Variants in KCNK9 observed in about 807,000 individuals in gnomAD.
KCNK9 encodes the protein potassium channel subfamily K member 9.
A neutral mutation model predicts 10.8 loss-of-function variants in KCNK9; 1 was observed. That is an observed-to-expected ratio of 0.09 (90% confidence interval 0.03 to 0.44). The LOEUF is 0.44. KCNK9 is among the 20% of genes least tolerant of loss of function. KCNK9 has a pLI of 0.97. For synonymous variants in KCNK9, 231 were observed against 222.7 expected, an observed-to-expected ratio of 1.04 and a Z score of -0.33; for missense variants, 303 against 515.0, an observed-to-expected ratio of 0.59 and a Z score of 3.98.
chr8:139,696,743 G>GTGGATGGA (rs540183564), intron 1 of KCNK9, among the ~76,000 whole-genome samples: 2,521 of 147,974 alleles, frequency 0.017, 65 homozygotes, highest in African/African-American at 0.055. Context: ...AGATGAGTGG[G>GTGGATGGA]TGGATGGATG....
downstream of KCNK9, among the ~76,000 whole-genome samples, chr8:139,610,861 T>C (rs1814402574): frequency 6.6e-6 from 1 of 152,254 alleles, no homozygotes; most frequent in African/African-American, 2.4e-5. Context: ...TTGAGATTTA[T>C]GCTGTGTCAT....
intron 1 of KCNK9, among the ~76,000 whole-genome samples, chr8:139,688,323 G>A (rs1816864263): frequency 6.6e-6 from 1 of 152,172 alleles, no homozygotes; most frequent in African/African-American, 2.4e-5. Flanking sequence ...AAAGAAAACA[G>A]GTTAAATTTA....
intron 1 of KCNK9, among the ~76,000 whole-genome samples, chr8:139,658,225 C>A (rs1294515157): frequency 6.6e-6 from 1 of 152,212 alleles, no homozygotes; most frequent in African/African-American, 2.4e-5. Flanking sequence ...TTACCACCCA[C>A]AGGCCTGAAG....
At chr8:139,649,777 A>G (rs904306230) in intron 1 of KCNK9, among the ~76,000 whole-genome samples, 1 of 152,220 alleles carries the variant, frequency 6.6e-6, no homozygotes, top group Admixed American at 6.5e-5. Context: ...CTCTGCCTCA[A>G]TCATTCATTT....
At chr8:139,690,545 T>C (rs1404622275) in intron 1 of KCNK9, among the ~76,000 whole-genome samples, 1 of 152,218 alleles carries the variant, frequency 6.6e-6, no homozygotes, top group African/African-American at 2.4e-5. Context: ...TCCCTGTCAC[T>C]GGAAGGTTCA....
In KCNK9 at chr8:139,618,417, A is replaced by G; in HGVS notation, c.966T>C (p.Leu322=). 6.2e-7 allele frequency: 1 copy of G among 1,614,156 alleles called. No homozygotes were observed. The highest frequency in any genetic ancestry group is 1.1e-5 in the South Asian group (1 of 91,080). Residue 322 remains leucine, a synonymous_variant, in exon 2 of 2, where the codon CTT becomes CTC. Coordinates refer to ENST00000520439, the MANE Select transcript of KCNK9 (RefSeq NM_001282534.2). The surrounding 1 kb of genome is among the most constrained non-coding windows in gnomAD (Gnocchi z 7.9). ...AGATGGAGTGGAAGTAGTGGGGGGC[A>G]AGCTTGGCGCTGAAGGAGTTCTGCG... ...VAPQNSFSAK[L]APHYFHSISY...
At position 139,700,974 on chromosome 8, in the gene KCNK9, T is replaced by C. The variant is rs146107160; in HGVS notation, c.283+1736A>G. ...CTGGAAGCCAGCATGCTAGCCAAATTCACCTGTCTTCCATCTTCAACCCTA... is the reference window on the plus strand; with the variant it reads ...CTGGAAGCCAGCATGCTAGCCAAATCCACCTGTCTTCCATCTTCAACCCTA... On this transcript the variant is annotated intron_variant, in intron 1 of 1. Coordinates refer to ENST00000520439, the MANE Select transcript of KCNK9 (RefSeq NM_001282534.2). Among the ~76,000 whole-genome samples, 1,157 of 152,314 alleles carry C rather than the reference T, an allele frequency of 7.6e-3. 6 individuals are homozygous for C. Among genetic ancestry groups the C allele is most frequent in the African/African-American group, 0.026 (1,096 of 41,568 alleles).
intron 2 of KCNK9, among the ~76,000 whole-genome samples, chr8:139,604,081 C>T (rs1817432458): frequency 6.6e-6 from 1 of 152,152 alleles, no homozygotes; most frequent in Admixed American, 6.5e-5. Context: ...GGCCGTGAGA[C>T]TAATGTTTGG....
chr8:139,691,951 G>A (rs1396766833), intron 1 of KCNK9, among the ~76,000 whole-genome samples: 1 of 152,186 alleles, frequency 6.6e-6, no homozygotes, highest in African/African-American at 2.4e-5. Flanking sequence ...AAGCTGTTGG[G>A]CGGGTCATCC....
At chr8:139,657,938 G>T (rs1314109756) in intron 1 of KCNK9, among the ~76,000 whole-genome samples, 3 of 152,272 alleles carry the variant, frequency 2.0e-5, no homozygotes, top group East Asian at 3.9e-4. Context: ...CCAACAGCAG[G>T]TCTCCCCCAC....
chr8:139,651,803 A>C (rs1028104117), intron 1 of KCNK9, among the ~76,000 whole-genome samples: 25 of 152,176 alleles, frequency 1.6e-4, no homozygotes, highest in African/African-American at 5.6e-4. Flanking sequence ...CGCCGACACA[A>C]TTACACAGGA....
intron 1 of KCNK9, among the ~76,000 whole-genome samples, chr8:139,686,369 C>T (rs1199466656): frequency 1.3e-5 from 2 of 152,114 alleles, no homozygotes; most frequent in East Asian, 3.8e-4. Context: ...ATCCATCTGA[C>T]AAAGGGCTAA....
At chr8:139,701,743 C>A (rs1817225422) in intron 1 of KCNK9, among the ~76,000 whole-genome samples, 1 of 152,242 alleles carries the variant, frequency 6.6e-6, no homozygotes, top group East Asian at 1.9e-4. Flanking sequence ...CCACGTCCAC[C>A]CGAATGAAGG....
At chr8:139,683,722 C>T (rs1388020415) in intron 1 of KCNK9, among the ~76,000 whole-genome samples, 1 of 152,230 alleles carries the variant, frequency 6.6e-6, no homozygotes, top group East Asian at 1.9e-4. Context: ...TGTGAAGGGC[C>T]ACTGAACAGG....
intron 1 of KCNK9, among the ~76,000 whole-genome samples, chr8:139,676,969 A>AG: frequency 1.3e-5 from 2 of 152,142 alleles, no homozygotes; most frequent in Non-Finnish European, 2.9e-5. Flanking sequence ...ACAAACAAAC[A>AG]AACAGACAGA....
chr8:139,607,989 A>T (rs1814284319), downstream of KCNK9, among the ~76,000 whole-genome samples: 1 of 152,202 alleles, frequency 6.6e-6, no homozygotes, highest in Non-Finnish European at 1.5e-5. Flanking sequence ...AAGGCCCCTG[A>T]TGTCTACACC....
chr8:139,698,232 G>A (rs1165995591), intron 1 of KCNK9, among the ~76,000 whole-genome samples: 2 of 152,164 alleles, frequency 1.3e-5, no homozygotes, highest in Admixed American at 6.5e-5. Context: ...AGTGGGGGAG[G>A]TGAGTGCATG....
chr8:139,670,147 G>A (rs1278435482), intron 1 of KCNK9, among the ~76,000 whole-genome samples: 1 of 152,190 alleles, frequency 6.6e-6, no homozygotes, highest in Non-Finnish European at 1.5e-5. Context: ...AGGGGGAATG[G>A]CTGGTGGGTG....
chr8:139,617,171 A>T lies in KCNK9; in HGVS notation c.*1087T>A, dbSNP rs1432699590. Among the ~76,000 whole-genome samples, 4 of 152,240 alleles carry T rather than the reference A, an allele frequency of 2.6e-5. No homozygotes were observed. Among genetic ancestry groups the T allele is most frequent in the Non-Finnish European group, 5.9e-5 (4 of 68,042 alleles). On this transcript the variant is annotated 3_prime_UTR_variant, in exon 2 of 2. Coordinates refer to ENST00000520439, the MANE Select transcript of KCNK9 (RefSeq NM_001282534.2). ...AATGAGGAATGCCCTGTCAATTTTCATGAGGAAAAGGAACCACAGCCACAT... is the reference window on the plus strand; with the variant it reads ...AATGAGGAATGCCCTGTCAATTTTCTTGAGGAAAAGGAACCACAGCCACAT...
Sources: allele counts gnomAD v4.1 joint callset (sites outside exome capture counted in the v4.1 genomes callset), GRCh38; gene constraint gnomAD v4.1.1; non-coding constraint Gnocchi (gnomAD v3.1); transcripts MANE v1.5; gene names NCBI Gene and HGNC (gene_info 2026-07-23, HGNC 2026-07-21).